The following ATMIN variants were observed in gnomAD, a reference collection of about 807,000 sequenced individuals.
ATMIN encodes ATM INteracting protein.
A neutral mutation model predicts 49.2 loss-of-function variants in ATMIN; 24 were observed. The observed-to-expected ratio is 0.49, with a 90% confidence interval of 0.35 to 0.69. The LOEUF (loss-of-function observed/expected upper bound fraction) is 0.69, where lower values mean the gene tolerates loss of function less well. Ranked by LOEUF, ATMIN falls within the 30% of genes least tolerant of loss-of-function variation. The pLI, the probability that ATMIN is intolerant of heterozygous loss-of-function variation, is 0.00. For missense variants in ATMIN, 1,037 were observed against 1,005.5 expected, an observed-to-expected ratio of 1.03 and a Z score of -0.42; for synonymous variants, 450 against 392.5, an observed-to-expected ratio of 1.15 and a Z score of -1.73.
chr16:81,035,867 A>G lies in ATMIN; in HGVS notation c.-4A>G, dbSNP rs2151734646. 1.1e-6 allele frequency: 1 copy of G among 875,380 alleles called. No homozygotes were observed. The highest frequency in any genetic ancestry group is 1.4e-6 in the Non-Finnish European group (1 of 731,636). The allele number at this position is 875,380 out of a possible 1,614,324, so 54.2% of individuals were successfully genotyped here. ...GAACTGGGCCGGGCGGCCGTGCGGGAGCCATGGCGGCCTCGGAGGCGGCGG... is the reference window on the plus strand; with the variant it reads ...GAACTGGGCCGGGCGGCCGTGCGGGGGCCATGGCGGCCTCGGAGGCGGCGG... On this transcript the variant is annotated 5_prime_UTR_variant, in exon 1 of 4. Transcript: ENST00000299575.
chr16:81,043,303 C>G lies in ATMIN; in HGVS notation c.805C>G (p.Pro269Ala), dbSNP rs751957466. The G allele has an allele frequency of 6.2e-7, 1 of 1,614,150 alleles. No individual in the cohort carries two copies. Among genetic ancestry groups the G allele is most frequent in the Admixed American group, 1.7e-5 (1 of 60,030 alleles). The change falls in exon 4 of 4, where the codon CCA becomes GCA. Residue 269 changes from proline to alanine, a missense_variant. Coordinates refer to ENST00000299575, the MANE Select transcript of ATMIN (RefSeq NM_015251.3). Reference sequence around the variant, plus strand: ...AGAAGCTTCAGAAATAAAGCTAGAACCATCTTTTGAAGACTCTTGTGGCTC... The same window carrying G: ...AGAAGCTTCAGAAATAAAGCTAGAAGCATCTTTTGAAGACTCTTGTGGCTC... ...ELEASEIKLE[P>A]SFEDSCGSNT...
At position 81,044,363 on chromosome 16, in the gene ATMIN, C is replaced by G; in HGVS notation, c.1865C>G (p.Thr622Ser). ...TCTGACACAAATCCTGGACCTGACA[C>G]CCAGCTCCCATCTGGCCCAGCCCAG... ...LLSDTNPGPD[T>S]QLPSGPAQNP... The change falls in exon 4 of 4, where the codon ACC becomes AGC. Residue 622 changes from threonine (T) to serine (S), a missense_variant. Thr to Ser is a moderately conservative substitution (Grantham distance 58). Coordinates refer to ENST00000299575, the MANE Select transcript of ATMIN (RefSeq NM_015251.3). The G allele has an allele frequency of 3.7e-6, 6 of 1,614,124 alleles. No homozygotes were observed. The highest frequency in any genetic ancestry group is 1.1e-5 in the South Asian group (1 of 91,072).
At position 81,044,925 on chromosome 16, in the gene ATMIN, A is replaced by G. The variant is rs774498295; in HGVS notation, c.2427A>G (p.Val809=). Residue 809 remains valine, a synonymous_variant, in exon 4 of 4, where the codon GTA becomes GTG. Transcript: ENST00000299575. ...CGATGGAGTCTCAGTTCAGCTCTGT[A>G]GAAACCCAGACTTCTGCGGAACCAC... ...WNTMESQFSS[V]ETQTSAEPHT... 7 of 1,614,038 alleles carry G rather than the reference A, an allele frequency of 4.3e-6. No homozygotes were observed. In the South Asian group the frequency reaches 7.7e-5, roughly 18 times the overall value.
intron 2 of ATMIN, 107 bp from the exon 3 acceptor site, chr16:81,042,174 T>C (rs1028371670): frequency 3.7e-5 from 35 of 952,776 alleles, no homozygotes; most frequent in Middle Eastern, 3.3e-4. Context: ...TTTTATGTTA[T>C]TTATATTAAT....
chr16:81,037,296 C>G (rs2151736557), intron 1 of ATMIN: 1 of 985,450 alleles, frequency 1.0e-6, no homozygotes, highest in Non-Finnish European at 1.2e-6. Context: ...ATTGCATGTT[C>G]TGTCTGCCCA....
chr16:81,044,349 T>C lies in ATMIN; in HGVS notation c.1851T>C (p.Asn617=), dbSNP rs759379707. 8 of 1,614,108 alleles carry C rather than the reference T, an allele frequency of 5.0e-6. No individual in the cohort carries two copies. Among genetic ancestry groups the C allele is most frequent in the Non-Finnish European group, 6.8e-6 (8 of 1,180,012 alleles). ...LDHRSLLSDT[N]PGPDTQLPSG... ...ATCGTAGTCTTTTGTCTGACACAAATCCTGGACCTGACACCCAGCTCCCAT... is the reference window on the plus strand; with the variant it reads ...ATCGTAGTCTTTTGTCTGACACAAACCCTGGACCTGACACCCAGCTCCCAT... Residue 617 remains asparagine (N), a synonymous_variant, in exon 4 of 4, where the codon AAT becomes AAC. Coordinates refer to ENST00000299575, the MANE Select transcript of ATMIN (RefSeq NM_015251.3).
chr16:81,041,747 G>T (rs1038381796), intron 2 of ATMIN: 3 of 312,698 alleles, frequency 9.6e-6, no homozygotes, highest in Non-Finnish European at 1.8e-5. Context: ...ATGTTTGCTC[G>T]CAGATCTCCT....
chr16:81,044,774 A>G lies in ATMIN; in HGVS notation c.2276A>G (p.Gln759Arg). Reference sequence around the variant, plus strand: ...ATACCTGCTCTAGAAAGCAAAGTTCAGTTGAACAGTACAGAAACACAGACC... The same window carrying G: ...ATACCTGCTCTAGAAAGCAAAGTTCGGTTGAACAGTACAGAAACACAGACC... ...KNIPALESKV[Q>R]LNSTETQTMS... Residue 759 changes from glutamine to arginine, a missense_variant, in exon 4 of 4, where the codon CAG becomes CGG. Transcript: ENST00000299575. 1 of 1,614,238 alleles carries G rather than the reference A, an allele frequency of 6.2e-7. No homozygotes were observed.
intron 1 of ATMIN, chr16:81,037,320 G>A: frequency 1.0e-6 from 1 of 985,456 alleles, no homozygotes; most frequent in Non-Finnish European, 1.2e-6. Context: ...TCAGGCTTCT[G>A]ATAAGAATTT....
At chr16:81,037,290 C>G (rs1436259597) in intron 1 of ATMIN, 3 of 985,304 alleles carry the variant, frequency 3.0e-6, no homozygotes, top group African/African-American at 1.7e-5. Flanking sequence ...CAGAATATTG[C>G]ATGTTCTGTC....
intron 2 of ATMIN, 153 bp downstream of exon 2, chr16:81,041,634 T>TA (rs1971039308): frequency 2.1e-6 from 2 of 949,454 alleles, no homozygotes; most frequent in South Asian, 1.9e-5. Context: ...AGTATGCTGT[T>TA]ACACAAGTGG....
At chr16:81,039,478 T>G (rs1259524868) in intron 1 of ATMIN, among the ~76,000 whole-genome samples, 1 of 152,120 alleles carries the variant, frequency 6.6e-6, no homozygotes, top group African/African-American at 2.4e-5. Context: ...GAATGAGGAA[T>G]TGGATTGCAA....
At chr16:81,042,035 T>C (rs1468033363) in intron 2 of ATMIN, among the ~76,000 whole-genome samples, 1 of 152,206 alleles carries the variant, frequency 6.6e-6, no homozygotes, top group Non-Finnish European at 1.5e-5. Flanking sequence ...AGAGTGTAAA[T>C]GCTGGAGACC....
At chr16:81,037,088 T>G (rs994732518) in intron 1 of ATMIN, 3 of 753,292 alleles carry the variant, frequency 4.0e-6, no homozygotes, top group African/African-American at 1.9e-5. Flanking sequence ...GACACATCTG[T>G]GACAAGCTTA....
At position 81,043,490 on chromosome 16, in the gene ATMIN, G is replaced by A. The variant is rs1342613098; in HGVS notation, c.992G>A (p.Gly331Asp). The A allele has an allele frequency of 3.7e-6, 6 of 1,614,176 alleles. No individual in the cohort carries two copies. Among genetic ancestry groups the A allele is most frequent in the Non-Finnish European group, 8.5e-7 (1 of 1,180,038 alleles). ...ADSSAQPVVL[G>D]VDQGSATGAV... is the part of the protein sequence containing the mutation. ...TCCTCAGCCCAGCCTGTGGTGTTAG[G>A]TGTTGATCAGGGCTCTGCCACAGGG... is the stretch of plus-strand genomic sequence containing the variant. Residue 331 changes from glycine to aspartate, a missense_variant, in exon 4 of 4, where the codon GGT (glycine) becomes GAT (aspartate). Coordinates refer to ENST00000299575, the MANE Select transcript of ATMIN (RefSeq NM_015251.3).
In ATMIN at chr16:81,043,984, A is replaced by G; in HGVS notation, c.1486A>G (p.Ser496Gly). The G allele has an allele frequency of 6.2e-7, 1 of 1,614,232 alleles. No homozygotes were observed. The highest frequency in any genetic ancestry group is 8.5e-7 in the Non-Finnish European group (1 of 1,180,040). Residue 496 changes from serine (S) to glycine (G), a missense_variant, in exon 4 of 4, where the codon AGT becomes GGT. Transcript: ENST00000299575. ...TGGGGTCTCCAGAGAAACTCAAACC[A>G]GTGGGATAGAAAGTCCAACGGATGA... is the stretch of plus-strand genomic sequence containing the variant. ...SGGVSRETQTSGIESPTDDHV... is the reference protein window; with the variant it reads ...SGGVSRETQTGGIESPTDDHV...
Position 81,045,385 on chromosome 16 carries a change from T to A in ATMIN, c.*415T>A, listed in dbSNP as rs1971100892. The A allele has an allele frequency of 6.2e-6, 1 of 161,092 alleles. No homozygotes were observed. Among genetic ancestry groups the A allele is most frequent in the African/African-American group, 2.4e-5 (1 of 41,572 alleles). The allele number at this position is 161,092 out of a possible 1,614,324, so 10.0% of individuals were successfully genotyped here. ...GCACCTAAAATATCTTTGGCACTGC[T>A]TGTTAGAAATTCCTGATTCCTGTTA... is the stretch of plus-strand genomic sequence containing the variant. On this transcript the variant is annotated 3_prime_UTR_variant, in exon 4 of 4. Transcript: ENST00000299575.
At position 81,043,166 on chromosome 16, in the gene ATMIN, C is replaced by A; in HGVS notation, c.668C>A (p.Pro223Gln). 6.3e-7 allele frequency: 1 copy of A among 1,598,000 alleles called. No homozygotes were observed. The highest frequency in any genetic ancestry group is 8.5e-7 in the Non-Finnish European group (1 of 1,174,924). Reference protein sequence around the residue: ...GHEIPAEHRDPPSKKRKMENC... With the variant: ...GHEIPAEHRDQPSKKRKMENC... Reference sequence around the variant, plus strand: ...TGCTCTGTCATTGTTTTCAGGGACCCACCTAGTAAGAAAAGGAAAATGGAA... The same window carrying A: ...TGCTCTGTCATTGTTTTCAGGGACCAACCTAGTAAGAAAAGGAAAATGGAA... Residue 223 changes from proline to glutamine, a missense_variant, in exon 4 of 4, where the codon CCA becomes CAA. Pro to Gln is a moderately conservative substitution (Grantham distance 76). Coordinates refer to ENST00000299575, the MANE Select transcript of ATMIN (RefSeq NM_015251.3).
rs1668999971 is a variant in ATMIN at position 81,043,256 on chromosome 16, C to G, written c.758C>G (p.Pro253Arg). Reference protein sequence around the residue: ...TIESLNNQPIPRPDTQELEAS... With the variant: ...TIESLNNQPIRRPDTQELEAS... ...GAATCATTGAACAACCAACCAATCC[C>G]TAGACCAGACACTCAAGAACTAGAA... Residue 253 changes from proline to arginine, a missense_variant, in exon 4 of 4, where the codon CCT becomes CGT. Pro to Arg is a moderately radical substitution (Grantham distance 103). Coordinates refer to ENST00000299575, the MANE Select transcript of ATMIN (RefSeq NM_015251.3). 1.2e-6 allele frequency: 2 copies of G among 1,614,132 alleles called. No homozygotes were observed. The highest frequency in any genetic ancestry group is 1.3e-5 in the African/African-American group (1 of 75,028).
Sources: allele counts gnomAD v4.1 joint callset (sites outside exome capture counted in the v4.1 genomes callset), GRCh38; gene constraint gnomAD v4.1.1; transcripts MANE v1.5; gene names NCBI Gene and HGNC (gene_info 2026-07-23, HGNC 2026-07-21).